ZNF761: variants seen among roughly 807,000 people sequenced by gnomAD.
ZNF761 encodes zinc finger protein 761.
ZNF761 carries 43 observed loss-of-function variants against 59.9 expected under a neutral mutation model. That is an observed-to-expected ratio of 0.72 (90% CI 0.56 to 0.92). ZNF761 has a LOEUF of 0.92. Ranked by LOEUF, ZNF761 falls within the 40% of genes least tolerant of loss-of-function variation. The pLI is 0.00. For synonymous variants in ZNF761, 294 were observed against 304.8 expected (o/e 0.96, Z 0.37); for missense variants, 850 against 906.1 (o/e 0.94, Z 0.79).
rs1261692623 is a variant in ZNF761 at position 53,455,807 on chromosome 19, G to C, written c.1300G>C (p.Glu434Gln). The C allele has an allele frequency of 6.2e-7, 1 of 1,613,968 alleles. No individual in the cohort carries two copies. The highest frequency in any genetic ancestry group is 1.1e-5 in the South Asian group (1 of 91,072). ...TGAAATACATCGGAAAATTCATACTGAAGACAATGCTTACAAGTGTAATGA... is the reference window on the plus strand; with the variant it reads ...TGAAATACATCGGAAAATTCATACTCAAGACAATGCTTACAAGTGTAATGA... ...NFEIHRKIHT[E>Q]DNAYKCNECG... Residue 434 changes from glutamate to glutamine, a missense_variant, in exon 5 of 5, where the codon GAA (glutamate) becomes CAA (glutamine). Physicochemically the swap from Glu to Gln is conservative, Grantham distance 29. Coordinates refer to ENST00000684525, the MANE Select transcript of ZNF761 (RefSeq NM_001289951.2).
chr19:53,437,296 C>T (rs183921025), intron 1 of ZNF761, among the ~76,000 whole-genome samples: 1,575 of 147,868 alleles, frequency 0.011, 14 homozygotes, highest in Non-Finnish European at 0.017. Context: ...CCAACCTGGG[C>T]GACAGAGCAA....
intron 1 of ZNF761, among the ~76,000 whole-genome samples, chr19:53,434,725 GAA>G (rs1484652730): frequency 3.3e-5 from 5 of 152,192 alleles, no homozygotes; most frequent in African/African-American, 1.2e-4. Flanking sequence ...CGGTTCGGGG[GAA>G]GAGTCAGTTA....
At position 53,454,767 on chromosome 19, in the gene ZNF761, A is replaced by G; in HGVS notation, c.260A>G (p.Tyr87Cys). Reference sequence around the variant, plus strand: ...AGTCATCACAATGGAGATTTTTGCTACCAGGATGTTGATAAAGATATTCAT... The same window carrying G: ...AGTCATCACAATGGAGATTTTTGCTGCCAGGATGTTGATAAAGATATTCAT... Reference protein sequence around the residue: ...HESHHNGDFCYQDVDKDIHDY... With the variant: ...HESHHNGDFCCQDVDKDIHDY... The change falls in exon 5 of 5, where the codon TAC becomes TGC. Residue 87 changes from tyrosine (Y) to cysteine (C), a missense_variant. Physicochemically the swap from Tyr to Cys is radical, Grantham distance 194 (BLOSUM62 -2). Transcript: ENST00000684525. The G allele has an allele frequency of 6.2e-7, 1 of 1,614,032 alleles. No homozygotes were observed. The highest frequency in any genetic ancestry group is 2.2e-5 in the East Asian group (1 of 44,874).
intron 1 of ZNF761, among the ~76,000 whole-genome samples, chr19:53,433,459 G>A (rs1330384333): frequency 7.8e-4 from 25 of 32,010 alleles, no homozygotes; most frequent in Admixed American, 4.8e-3. Context: ...CTTCGACTTC[G>A]CCAAGTCGAG....
chr19:53,446,336 A>C lies in ZNF761; in HGVS notation c.-75A>C, dbSNP rs1319593118. ...CAGCATCCCACGTAGCTGAGATTACAGGTATGTGCTACCACACCTGGCTAA... is the reference window on the plus strand; with the variant it reads ...CAGCATCCCACGTAGCTGAGATTACCGGTATGTGCTACCACACCTGGCTAA... On this transcript the variant is annotated splice_region_variant and 5_prime_UTR_variant, in exon 2 of 5. Transcript: ENST00000684525. The C allele has an allele frequency of 2.0e-5, 3 of 152,108 alleles. No individual in the cohort carries two copies. Among genetic ancestry groups the C allele is most frequent in the African/African-American group, 4.8e-5 (2 of 41,412 alleles). 9.4% of individuals were successfully genotyped at this position (152,108 alleles called of 1,614,324 possible).
In ZNF761 at chr19:53,456,078, G is replaced by A. The variant is rs1235952546; in HGVS notation, c.1571G>A (p.Cys524Tyr). Residue 524 changes from cysteine (C) to tyrosine (Y), a missense_variant, in exon 5 of 5, where the codon TGT becomes TAT. By Grantham distance (194) the Cys-to-Tyr change is radical. Coordinates refer to ENST00000684525, the MANE Select transcript of ZNF761 (RefSeq NM_001289951.2). Reference sequence around the variant, plus strand: ...CATACTGGAGAGAAAGCTTACAAGTGTAATGAGTGCGGCAAGACCTTTAGT... The same window carrying A: ...CATACTGGAGAGAAAGCTTACAAGTATAATGAGTGCGGCAAGACCTTTAGT... ...RLHTGEKAYK[C>Y]NECGKTFSWK... 4.4e-6 allele frequency: 7 copies of A among 1,600,198 alleles called. No homozygotes were observed. The highest frequency in any genetic ancestry group is 1.7e-4 in the Middle Eastern group (1 of 6,008).
chr19:53,435,489 ATACGGGGTTCTCCATGT>A (rs1287545002), intron 1 of ZNF761, among the ~76,000 whole-genome samples: 19 of 151,610 alleles, frequency 1.3e-4, no homozygotes, highest in Non-Finnish European at 2.4e-4. Context: ...TTTTTATTCA[ATACGGGGTTCTCCATGT>A]TGGTGAGGCT....
chr19:53,452,477 G>A (rs1427092261), intron 4 of ZNF761, among the ~76,000 whole-genome samples: 1 of 151,608 alleles, frequency 6.6e-6, no homozygotes, highest in Non-Finnish European at 1.5e-5. Context: ...AGTAAGACTC[G>A]GGCTGAGGCG....
intron 1 of ZNF761, among the ~76,000 whole-genome samples, chr19:53,445,938 G>A (rs2617740): frequency 0.63 from 95,988 of 152,018 alleles, 30,797 homozygotes; most frequent in South Asian, 0.77. Flanking sequence ...CCTCCTGGGA[G>A]CTTGCCCTCA....
At chr19:53,443,031 T>C in intron 1 of ZNF761, 1 of 287,288 alleles carries the variant, frequency 3.5e-6, no homozygotes, top group African/African-American at 2.3e-5. Context: ...TTCTAAATAG[T>C]TTCTGTTTGA....
At chr19:53,447,913 G>A (rs933048649) in intron 3 of ZNF761, among the ~76,000 whole-genome samples, 5 of 152,268 alleles carry the variant, frequency 3.3e-5, no homozygotes, top group African/African-American at 7.2e-5. Context: ...AGCACATTAC[G>A]CTCATGGAGA....
rs529169858 is a variant in ZNF761, at chr19:53,455,187, G to T, written c.680G>T (p.Ser227Ile). The change falls in exon 5 of 5, where the codon AGC becomes ATC. Residue 227 changes from serine (S) to isoleucine (I), a missense_variant. Transcript: ENST00000684525. ...CNESGKAFNYSSLLRKHQIIH... is the reference protein window; with the variant it reads ...CNESGKAFNYISLLRKHQIIH... ...GAGAGTGGCAAAGCCTTTAATTACA[G>T]CTCACTCTTAAGGAAACATCAGATA... 1.2e-6 allele frequency: 2 copies of T among 1,614,162 alleles called. No homozygotes were observed. Among genetic ancestry groups the T allele is most frequent in the African/African-American group, 2.7e-5 (2 of 75,038 alleles).
At chr19:53,437,041 A>G (rs896709403) in intron 1 of ZNF761, among the ~76,000 whole-genome samples, 10 of 152,086 alleles carry the variant, frequency 6.6e-5, no homozygotes, top group African/African-American at 2.4e-4. Flanking sequence ...TTCGTGACCC[A>G]GCGCAGTGGC....
chr19:53,439,735 A>T (rs540470493), intron 1 of ZNF761, among the ~76,000 whole-genome samples: 2 of 152,274 alleles, frequency 1.3e-5, no homozygotes, highest in African/African-American at 4.8e-5. Context: ...TGGCCCTGGC[A>T]ATGGCTTCTG....
chr19:53,449,880 C>A, intron 4 of ZNF761: 1 of 844,978 alleles, frequency 1.2e-6, no homozygotes, highest in Non-Finnish European at 1.8e-6. Context: ...TCTTTCCAGA[C>A]AGGGTCTTGC....
At position 53,455,889 on chromosome 19, in the gene ZNF761, C is replaced by T; in HGVS notation, c.1382C>T (p.Thr461Ile). Residue 461 changes from threonine (T) to isoleucine (I), a missense_variant, in exon 5 of 5, where the codon ACT (threonine) becomes ATT (isoleucine). Coordinates refer to ENST00000684525, the MANE Select transcript of ZNF761 (RefSeq NM_001289951.2). ...CTTACATGCCATCGTAGACGTCATA[C>T]TGGAGAGCAACCTTACAAATGTGAA... ...SSLTCHRRRH[T>I]GEQPYKCEEC... The T allele has an allele frequency of 1.2e-6, 2 of 1,613,652 alleles. No individual in the cohort carries two copies. Among genetic ancestry groups the T allele is most frequent in the Non-Finnish European group, 1.7e-6 (2 of 1,179,878 alleles).
In ZNF761 at chr19:53,455,528, C is replaced by A. The variant is rs1292007934; in HGVS notation, c.1021C>A (p.Leu341Ile). Reference protein sequence around the residue: ...CGKTFRQKSILTRHHRLHTGE... With the variant: ...CGKTFRQKSIITRHHRLHTGE... ...CAAGACCTTTAGGCAGAAGTCAATCCTTACACGCCATCATCGACTTCATAC... is the reference window on the plus strand; with the variant it reads ...CAAGACCTTTAGGCAGAAGTCAATCATTACACGCCATCATCGACTTCATAC... Residue 341 changes from leucine to isoleucine, a missense_variant, in exon 5 of 5, where the codon CTT (leucine) becomes ATT (isoleucine). Physicochemically the swap from Leu to Ile is conservative, Grantham distance 5. Transcript: ENST00000684525. 1 of 1,612,906 alleles carries A rather than the reference C, an allele frequency of 6.2e-7. No homozygotes were observed. The highest frequency in any genetic ancestry group is 8.5e-7 in the Non-Finnish European group (1 of 1,179,548).
At chr19:53,434,575 T>G (rs192749775) in intron 1 of ZNF761, among the ~76,000 whole-genome samples, 127 of 152,296 alleles carry the variant, frequency 8.3e-4, no homozygotes, top group African/African-American at 2.9e-3. Context: ...CAAAGTTTTC[T>G]TTAGTGTTTT....
In ZNF761 at chr19:53,454,869, G is replaced by T. The variant is rs1568815477; in HGVS notation, c.362G>T (p.Gly121Val). 1 of 1,614,144 alleles carries T rather than the reference G, an allele frequency of 6.2e-7. No individual in the cohort carries two copies. Among genetic ancestry groups the T allele is most frequent in the Non-Finnish European group, 8.5e-7 (1 of 1,180,034 alleles). Residue 121 changes from glycine to valine, a missense_variant, in exon 5 of 5, where the codon GGT becomes GTT. Coordinates refer to ENST00000684525, the MANE Select transcript of ZNF761 (RefSeq NM_001289951.2). ...APMTKIKKLTGITERYDQSHA... is the reference protein window; with the variant it reads ...APMTKIKKLTVITERYDQSHA... ...ATGACAAAAATCAAAAAGTTGACAG[G>T]TATTACAGAACGATATGATCAAAGT...
Sources: gnomAD v4.1 joint callset for allele counts (sites outside exome capture counted in the v4.1 genomes callset) on GRCh38, gnomAD v4.1.1 for gene constraint, MANE v1.5 for transcripts, NCBI Gene and HGNC (gene_info 2026-07-23, HGNC 2026-07-21) for gene names.